OSBP2: variants seen among roughly 807,000 people sequenced by gnomAD.
OSBP2 encodes oxysterol-binding protein 2.
A neutral mutation model predicts 96.0 loss-of-function variants in OSBP2; 66 were observed. That is an observed-to-expected ratio of 0.69 (90% CI 0.56 to 0.84). OSBP2 has a LOEUF of 0.84. Among genes scored for constraint, OSBP2 ranks in the 40% least tolerant of loss-of-function variants. The pLI, the probability that OSBP2 is intolerant of heterozygous loss-of-function variation, is 0.00. For synonymous variants in OSBP2, 525 were observed against 520.9 expected, an observed-to-expected ratio of 1.01 and a Z score of -0.11; for missense variants, 1,038 against 1,222.7, an observed-to-expected ratio of 0.85 and a Z score of 2.25.
In OSBP2 at chr22:30,868,583, CTTCT is replaced by C. The variant is rs2039395290; in HGVS notation, c.854-1845_854-1842del. Among the ~76,000 whole-genome samples the C allele has an allele frequency of 2.6e-5, 4 of 152,386 alleles. No homozygotes were observed. In the South Asian group the frequency reaches 8.3e-4, roughly 32 times the overall value. The stretch of plus-strand genomic sequence containing the variant: ...GGCCGCCTGGCTGGCCACTGTCTTC[CTTCT>C]GGGCTGCTGGGGCCTCCATGAGAGG... On this transcript the variant is annotated intron_variant, in intron 2 of 13. Transcript: ENST00000332585.
chr22:30,755,321 G>C (rs1051712197), intron 2 of OSBP2, among the ~76,000 whole-genome samples: 1 of 152,176 alleles, frequency 6.6e-6, no homozygotes. Context: ...TCCCTGCTGG[G>C]CTGGAGATGT....
At chr22:30,797,260 A>G (rs998633315) in intron 2 of OSBP2, among the ~76,000 whole-genome samples, 5 of 152,170 alleles carry the variant, frequency 3.3e-5, no homozygotes, top group Non-Finnish European at 7.3e-5. Flanking sequence ...TATTGTGAGC[A>G]ATGCTGCTAT....
At chr22:30,822,604 C>G (rs1360136668) in intron 2 of OSBP2, 5 of 1,525,388 alleles carry the variant, frequency 3.3e-6, no homozygotes, top group Non-Finnish European at 4.4e-6. Context: ...AGCGCCCCGC[C>G]GATTGGAGGC....
At chr22:30,752,338 G>T (rs1312125230) in intron 2 of OSBP2, among the ~76,000 whole-genome samples, 1 of 109,030 alleles carries the variant, frequency 9.2e-6, no homozygotes, top group African/African-American at 3.7e-5. Flanking sequence ...TCACTCTGTC[G>T]CCCAGGCTGG....
rs1477057331 is a variant in OSBP2, at chr22:30,870,451, G to C, written c.876G>C (p.Glu292Asp). 1.4e-5 allele frequency: 22 copies of C among 1,613,958 alleles called. No homozygotes were observed. The highest frequency in any genetic ancestry group is 1.9e-5 in the Non-Finnish European group (22 of 1,180,024). ...CAGATGACTCTGGGGACGACGACGA[G>C]GCTACCACCCCAGCCGACAAGAGCG... Reference protein sequence around the residue: ...THSDDSGDDDEATTPADKSEL... With the variant: ...THSDDSGDDDDATTPADKSEL... The change falls in exon 3 of 14, where the codon GAG (glutamate) becomes GAC (aspartate). Residue 292 changes from glutamate (E) to aspartate (D), a missense_variant. This residue lies in a region of OSBP2 where 737 missense variants were observed against 913.3 expected (regional missense o/e 0.81). Coordinates refer to ENST00000332585, the MANE Select transcript of OSBP2 (RefSeq NM_030758.4). This position sits in a 1 kb window ranked among gnomAD's most constrained non-coding sequence, Gnocchi z 4.1.
At chr22:30,830,053 T>C (rs1240041971) in intron 2 of OSBP2, among the ~76,000 whole-genome samples, 2 of 152,200 alleles carry the variant, frequency 1.3e-5, no homozygotes, top group Non-Finnish European at 2.9e-5. Context: ...GTTTGCTGGA[T>C]GTACATCTTC....
At chr22:30,822,869 A>G (rs933726356) in intron 2 of OSBP2, among the ~76,000 whole-genome samples, 5 of 151,922 alleles carry the variant, frequency 3.3e-5, no homozygotes, top group Non-Finnish European at 7.4e-5. Context: ...CTGTCCCCGC[A>G]CCCCGCCGGC....
At position 30,890,575 on chromosome 22, in the gene OSBP2, T is replaced by C. The variant is rs1459564730; in HGVS notation, c.1624-153T>C. ...CAGGAGGGGCCAGGGAGGTGATGGC[T>C]TGGGGGCCACACTGTTGGACAGGGC... On this transcript the variant is annotated intron_variant, in intron 7 of 13. Transcript: ENST00000332585. The surrounding 1 kb of genome is among the most constrained non-coding windows in gnomAD (Gnocchi z 4.4). Among the ~76,000 whole-genome samples the C allele has an allele frequency of 6.6e-6, 1 of 152,168 alleles. No homozygotes were observed. Among genetic ancestry groups the C allele is most frequent in the African/African-American group, 2.4e-5 (1 of 41,428 alleles).
chr22:30,903,288 G>T (rs1293682423), intron 12 of OSBP2, among the ~76,000 whole-genome samples: 2 of 152,234 alleles, frequency 1.3e-5, no homozygotes, highest in African/African-American at 4.8e-5. Context: ...AGACTGAACT[G>T]CACCTTGTTG....
intron 2 of OSBP2, among the ~76,000 whole-genome samples, chr22:30,840,786 A>C (rs907602336): frequency 2.0e-5 from 3 of 152,026 alleles, no homozygotes; most frequent in African/African-American, 7.2e-5. Flanking sequence ...GCACATACAA[A>C]GTGCTGCATA....
chr22:30,768,691 C>A (rs1243392863), intron 2 of OSBP2, among the ~76,000 whole-genome samples: 3 of 150,724 alleles, frequency 2.0e-5, no homozygotes, highest in Admixed American at 1.3e-4. Context: ...AAAAAAAAAA[C>A]AAAAACAAAA....
intron 3 of OSBP2, among the ~76,000 whole-genome samples, chr22:30,877,892 G>C (rs2039618065): frequency 6.6e-6 from 1 of 152,282 alleles, no homozygotes; most frequent in African/African-American, 2.4e-5. Flanking sequence ...ACCTTGAGCT[G>C]TGAGGGTGAA....
intron 2 of OSBP2, among the ~76,000 whole-genome samples, chr22:30,828,894 G>A (rs377650764): frequency 5.3e-5 from 8 of 152,300 alleles, no homozygotes; most frequent in Non-Finnish European, 5.9e-5. Context: ...CCTAGGTAGC[G>A]AGGGGGCAGT....
chr22:30,767,136 T>TAAAAA (rs2090284375), intron 2 of OSBP2, among the ~76,000 whole-genome samples: 1 of 17,602 alleles, frequency 5.7e-5, no homozygotes, highest in African/African-American at 3.4e-4. Context: ...CTACTAAAAA[T>TAAAAA]ACAAAAAAAA....
intron 2 of OSBP2, among the ~76,000 whole-genome samples, chr22:30,814,707 A>G (rs2091059322): frequency 1.3e-5 from 2 of 151,636 alleles, no homozygotes; most frequent in South Asian, 4.2e-4. Context: ...GGGCCATATG[A>G]TCTTGTTTTA....
chr22:30,798,278 T>G lies in OSBP2; in HGVS notation c.853+56909T>G, dbSNP rs1012665112. Reference sequence around the variant, plus strand: ...GTCCTTTGCCCATTTTTGAATCGGATTGGGTTTTTTGTTGTTGAGTTTTAG... The same window carrying G: ...GTCCTTTGCCCATTTTTGAATCGGAGTGGGTTTTTTGTTGTTGAGTTTTAG... On this transcript the variant is annotated intron_variant, in intron 2 of 13. Coordinates refer to ENST00000332585, the MANE Select transcript of OSBP2 (RefSeq NM_030758.4). Among the ~76,000 whole-genome samples, 3 of 152,200 alleles carry G rather than the reference T, an allele frequency of 2.0e-5. No homozygotes were observed. In the East Asian group the frequency reaches 5.8e-4, roughly 29 times the overall value.
chr22:30,707,549 C>G (rs368220421), intron 1 of OSBP2, among the ~76,000 whole-genome samples: 6 of 151,098 alleles, frequency 4.0e-5, no homozygotes, highest in East Asian at 4.1e-4. Flanking sequence ...CCCGTCTCTA[C>G]TAAAAATACA....
At chr22:30,809,586 G>A (rs754949619) in intron 2 of OSBP2, among the ~76,000 whole-genome samples, 10 of 152,196 alleles carry the variant, frequency 6.6e-5, no homozygotes, top group Non-Finnish European at 1.0e-4. Context: ...CTGGGACTGG[G>A]GAGTGCTGAG....
chr22:30,894,055 A>C, intron 12 of OSBP2, 54 bp downstream of exon 12: 1 of 1,503,344 alleles, frequency 6.7e-7, no homozygotes, highest in Non-Finnish European at 9.0e-7. Flanking sequence ...GAAGGAGGAC[A>C]GTGGACAGAA....
Sources: gnomAD v4.1 joint callset for allele counts (sites outside exome capture counted in the v4.1 genomes callset) on GRCh38, gnomAD v4.1.1 for gene constraint, gnomAD v4.1.1 regional missense constraint, Gnocchi (gnomAD v3.1) non-coding constraint, MANE v1.5 for transcripts, NCBI Gene and HGNC (gene_info 2026-07-23, HGNC 2026-07-21) for gene names.